The following CNGB3 variants were observed in gnomAD, a reference collection of about 807,000 sequenced individuals.
The protein encoded by CNGB3 is cyclic nucleotide-gated channel beta-3.
CNGB3 carries 86 observed loss-of-function variants against 92.8 expected under a neutral mutation model. That is an observed-to-expected ratio of 0.93 (90% CI 0.78 to 1.11). CNGB3 has a LOEUF of 1.11. CNGB3 is among the 50% of genes least tolerant of loss of function. The probability of loss-of-function intolerance (pLI) is 0.00; values close to 1 mark genes in which losing one functional copy is unlikely to be tolerated. For synonymous variants in CNGB3, 333 were observed against 332.7 expected (o/e 1.00, Z -0.01); for missense variants, 1,026 against 956.8 (o/e 1.07, Z -0.95).
At chr8:86,579,590 C>T (rs1415677353) in intron 15 of CNGB3, among the ~76,000 whole-genome samples, 2 of 152,198 alleles carry the variant, frequency 1.3e-5, no homozygotes, top group East Asian at 3.9e-4. Flanking sequence ...CTTTTCACCT[C>T]TCCCCATGCT....
intron 10 of CNGB3, among the ~76,000 whole-genome samples, chr8:86,641,115 G>A (rs1402573427): frequency 1.3e-5 from 2 of 151,922 alleles, no homozygotes; most frequent in Non-Finnish European, 2.9e-5. Context: ...CTCATTATAC[G>A]CTAATTATAA....
intron 13 of CNGB3, among the ~76,000 whole-genome samples, chr8:86,623,266 C>T (rs1477909171): frequency 6.6e-6 from 1 of 152,168 alleles, no homozygotes; most frequent in African/African-American, 2.4e-5. Context: ...AAATTTTCAA[C>T]TGGAATCTAA....
At chr8:86,581,522 C>T (rs147894380) in intron 15 of CNGB3, among the ~76,000 whole-genome samples, 6 of 152,210 alleles carry the variant, frequency 3.9e-5, no homozygotes, top group East Asian at 1.9e-4. Context: ...TTCTCCATAC[C>T]GCAGGCCTAC....
intron 6 of CNGB3, among the ~76,000 whole-genome samples, chr8:86,654,440 G>A (rs1205054797): frequency 1.3e-5 from 2 of 152,030 alleles, no homozygotes; most frequent in African/African-American, 4.8e-5. Flanking sequence ...ATCCTTTATG[G>A]CACTTAGCAT....
intron 3 of CNGB3, among the ~76,000 whole-genome samples, chr8:86,675,529 C>A (rs73273340): frequency 0.066 from 10,098 of 152,212 alleles, 1,082 homozygotes; most frequent in African/African-American, 0.22. Context: ...AATCTTCCCA[C>A]CTCAGCCTCC....
intron 10 of CNGB3, among the ~76,000 whole-genome samples, chr8:86,637,781 A>C (rs1367590921): frequency 6.6e-6 from 1 of 152,118 alleles, no homozygotes; most frequent in East Asian, 1.9e-4. Context: ...TCATTTAATA[A>C]ATTTTGACAA....
chr8:86,606,734 C>T lies in CNGB3; in HGVS notation c.1663-2523G>A, dbSNP rs142328840. Reference sequence around the variant, plus strand: ...AATCCGAGTGAAGTCAAGTAGGAAACGTATCATTACTCTTATTTAACAATT... The same window carrying T: ...AATCCGAGTGAAGTCAAGTAGGAAATGTATCATTACTCTTATTTAACAATT... On this transcript the variant is annotated intron_variant, in intron 14 of 17. Transcript: ENST00000320005. 6.8e-3 allele frequency among the ~76,000 whole-genome samples: 1,034 copies of T among 152,212 alleles called. 11 individuals carry two copies. The highest frequency in any genetic ancestry group is 0.023 in the African/African-American group (969 of 41,536).
At chr8:86,623,365 A>G (rs916258500) in intron 13 of CNGB3, among the ~76,000 whole-genome samples, 7 of 152,182 alleles carry the variant, frequency 4.6e-5, no homozygotes, top group Non-Finnish European at 8.8e-5. Flanking sequence ...ATAGAAATTT[A>G]TTTCTCACAG....
Position 86,632,566 on chromosome 8 carries a change from G to T in CNGB3, c.1320+186C>A, listed in dbSNP as rs553752434. 7.9e-5 allele frequency among the ~76,000 whole-genome samples: 12 copies of T among 152,176 alleles called. No homozygotes were observed. In the South Asian group the frequency reaches 1.2e-3, roughly 16 times the overall value. On this transcript the variant is annotated intron_variant, in intron 11 of 17. Coordinates refer to ENST00000320005, the MANE Select transcript of CNGB3 (RefSeq NM_019098.5). ...TGACAGGTCTTTTGATAGATTTAAT[G>T]GCTTAAAAATGGAAAAGCACTGTTG... is the stretch of plus-strand genomic sequence containing the variant.
intron 15 of CNGB3, among the ~76,000 whole-genome samples, chr8:86,593,518 C>A (rs947197048): frequency 1.3e-5 from 2 of 152,006 alleles, no homozygotes; most frequent in Non-Finnish European, 2.9e-5. Context: ...ATGTAATGAC[C>A]ATATCACTTT....
chr8:86,693,249 G>A (rs1483023358), intron 3 of CNGB3, among the ~76,000 whole-genome samples: 1 of 151,988 alleles, frequency 6.6e-6, no homozygotes, highest in Non-Finnish European at 1.5e-5. Context: ...TGTTCTTCTA[G>A]CTTCTTATAT....
At chr8:86,695,760 A>G (rs1029434103) in intron 3 of CNGB3, among the ~76,000 whole-genome samples, 3 of 152,038 alleles carry the variant, frequency 2.0e-5, no homozygotes, top group Admixed American at 6.5e-5. Flanking sequence ...TACTAGAATT[A>G]CTTTTTTAGT....
intron 15 of CNGB3, among the ~76,000 whole-genome samples, chr8:86,589,264 T>C (rs1475704744): frequency 2.0e-5 from 3 of 151,198 alleles, no homozygotes; most frequent in Admixed American, 6.6e-5. Context: ...GGTCTATCAA[T>C]TTTGTTGATC....
chr8:86,613,745 TA>T (rs1307163983), intron 13 of CNGB3, among the ~76,000 whole-genome samples: 2 of 151,734 alleles, frequency 1.3e-5, no homozygotes, highest in Non-Finnish European at 2.9e-5. Flanking sequence ...ATGAAATTTT[TA>T]TTCCTTGAAC....
intron 2 of CNGB3, among the ~76,000 whole-genome samples, chr8:86,731,548 G>A (rs767421187): frequency 6.6e-6 from 1 of 152,114 alleles, no homozygotes; most frequent in Non-Finnish European, 1.5e-5. Context: ...GTCATGCTAG[G>A]TTTCAGGGAC....
At chr8:86,598,814 A>G (rs1432585068) in intron 15 of CNGB3, among the ~76,000 whole-genome samples, 2 of 152,190 alleles carry the variant, frequency 1.3e-5, no homozygotes, top group African/African-American at 2.4e-5. Context: ...GCCCTTCAAG[A>G]TAATTCAGGA....
chr8:86,632,184 G>C (rs893053803), intron 11 of CNGB3, among the ~76,000 whole-genome samples: 6 of 118,056 alleles, frequency 5.1e-5, no homozygotes, highest in African/African-American at 2.2e-4. Flanking sequence ...GGGTGACAGA[G>C]CAAGACCCTG....
intron 3 of CNGB3, among the ~76,000 whole-genome samples, chr8:86,694,206 C>T (rs1198864929): frequency 5.3e-5 from 7 of 131,434 alleles, no homozygotes; most frequent in Non-Finnish European, 9.7e-5. Flanking sequence ...CCGGACGGGG[C>T]GGCTGGCCGG....
At chr8:86,670,804 C>G (rs1392572095) in intron 4 of CNGB3, 140 bp downstream of exon 4, 1 of 943,262 alleles carries the variant, frequency 1.1e-6, no homozygotes, top group African/African-American at 1.6e-5. Flanking sequence ...CTCGTACCTT[C>G]CTGGATTACT....
Sources: allele counts gnomAD v4.1 joint callset (sites outside exome capture counted in the v4.1 genomes callset), GRCh38; gene constraint gnomAD v4.1.1; transcripts MANE v1.5; gene names NCBI Gene and HGNC (gene_info 2026-07-23, HGNC 2026-07-21).